The following BANP variants were observed in gnomAD, a reference collection of about 807,000 sequenced individuals.
BANP encodes BTG3 associated nuclear protein.
BANP carries 11 observed loss-of-function variants against 68.1 expected under a neutral mutation model. That is an observed-to-expected ratio of 0.16 (90% CI 0.10 to 0.27). BANP has a LOEUF of 0.27. Ranked by LOEUF, BANP falls within the 10% of genes least tolerant of loss-of-function variation. The pLI is 1.00. For missense variants in BANP, 504 were observed against 722.7 expected (o/e 0.70, Z 3.47); for synonymous variants, 329 against 303.2 (o/e 1.09, Z -0.88).
chr16:87,959,635 T>C (rs2058739233), intron 1 of BANP, among the ~76,000 whole-genome samples: 1 of 152,108 alleles, frequency 6.6e-6, no homozygotes, highest in African/African-American at 2.4e-5. Flanking sequence ...CCGTGTGGTT[T>C]TGGGAGGGAC....
At chr16:88,052,806 T>TA (rs1316418294) in intron 11 of BANP, among the ~76,000 whole-genome samples, 1 of 148,856 alleles carries the variant, frequency 6.7e-6, no homozygotes. Flanking sequence ...TAACAACCAC[T>TA]ACCACTACCG....
At chr16:88,009,852 T>TG (rs2072523015) in intron 6 of BANP, among the ~76,000 whole-genome samples, 1 of 147,578 alleles carries the variant, frequency 6.8e-6, no homozygotes, top group South Asian at 2.1e-4. Flanking sequence ...TCCTGACTGT[T>TG]GAAAGCAGTG....
chr16:88,057,179 G>A lies in BANP; in HGVS notation c.1312-8088G>A, dbSNP rs1020251013. ...TTCTGGTGGGCGGGCCTGCCGTGTT[G>A]TGGTGGGGAGCGACTTCACACAGCT... On this transcript the variant is annotated intron_variant, in intron 11 of 13. Coordinates refer to ENST00000682872, the MANE Select transcript of BANP (RefSeq NM_001386991.1). This position sits in a 1 kb window ranked among gnomAD's most constrained non-coding sequence, Gnocchi z 4.6. Among the ~76,000 whole-genome samples, 3 of 152,096 alleles carry A rather than the reference G, an allele frequency of 2.0e-5. No individual in the cohort carries two copies. The highest frequency in any genetic ancestry group is 4.4e-5 in the Non-Finnish European group (3 of 68,026).
At chr16:88,032,883 C>T (rs1369687089) in intron 8 of BANP, among the ~76,000 whole-genome samples, 1 of 152,224 alleles carries the variant, frequency 6.6e-6, no homozygotes, top group East Asian at 1.9e-4. Flanking sequence ...CAGCATCACG[C>T]CACTCTCAGG....
At chr16:88,052,288 G>A (rs1216670291) in intron 11 of BANP, among the ~76,000 whole-genome samples, 1 of 152,186 alleles carries the variant, frequency 6.6e-6, no homozygotes, top group Non-Finnish European at 1.5e-5. Context: ...ATTGTGGCAA[G>A]CTAGCGCTCT....
Position 88,072,129 on chromosome 16 carries a change from G to A in BANP, c.1438G>A (p.Asp480Asn). 6.2e-7 allele frequency: 1 copy of A among 1,609,740 alleles called. No homozygotes were observed. The highest frequency in any genetic ancestry group is 8.5e-7 in the Non-Finnish European group (1 of 1,179,006). ...ASSDPAAAGV[D>N]GSPLQGSDIQ... Reference sequence around the variant, plus strand: ...CTCGGACCCCGCGGCGGCGGGCGTGGATGGGTCGCCACTCCAGGGCAGCGA... The same window carrying A: ...CTCGGACCCCGCGGCGGCGGGCGTGAATGGGTCGCCACTCCAGGGCAGCGA... The change falls in exon 13 of 14, where the codon GAT becomes AAT. Residue 480 changes from aspartate (D) to asparagine (N), a missense_variant. Asp to Asn is a conservative substitution (Grantham distance 23). Around this residue, in one of 3 missense-constraint regions of BANP, gnomAD observed 223 missense variants for 246.2 expected, o/e 0.91. Coordinates refer to ENST00000682872, the MANE Select transcript of BANP (RefSeq NM_001386991.1).
chr16:87,950,991 T>C (rs4312309), upstream of BANP: 38,385 of 151,920 alleles, frequency 0.25, 5,345 homozygotes, highest in East Asian at 0.49. Flanking sequence ...CAGCAACCCT[T>C]GGTGCGGGGA....
chr16:88,073,872 T>C (rs1358928744), intron 13 of BANP, among the ~76,000 whole-genome samples: 10 of 152,368 alleles, frequency 6.6e-5, no homozygotes, highest in Admixed American at 5.2e-4. Context: ...AAGCTCTCTC[T>C]GTTACCATGC....
At chr16:88,009,090 AATGTCTCTT>A (rs1478808997) in intron 6 of BANP, among the ~76,000 whole-genome samples, 3 of 152,198 alleles carry the variant, frequency 2.0e-5, no homozygotes, top group Admixed American at 1.3e-4. Flanking sequence ...CCAATCCATT[AATGTCTCTT>A]ATGTCAGATT....
intron 1 of BANP, among the ~76,000 whole-genome samples, chr16:87,954,443 A>G (rs575604179): frequency 7.1e-4 from 108 of 152,086 alleles, no homozygotes; most frequent in Non-Finnish European, 1.9e-4. Flanking sequence ...ACTGATGTTT[A>G]CTGTTGTCTG....
chr16:87,985,338 G>A (rs8056213), intron 4 of BANP, among the ~76,000 whole-genome samples: 5,485 of 152,264 alleles, frequency 0.036, 309 homozygotes, highest in African/African-American at 0.12. Flanking sequence ...GGGAGCTGGG[G>A]ATCGTTCACG....
intron 11 of BANP, among the ~76,000 whole-genome samples, chr16:88,039,930 G>A (rs1289775119): frequency 3.3e-5 from 5 of 152,188 alleles, no homozygotes; most frequent in Non-Finnish European, 7.3e-5. Context: ...TGGCCTTACC[G>A]CAGAATGAAT....
rs1467162896 is a variant in BANP at position 87,984,218 on chromosome 16, C to T, written c.321C>T (p.Gly107=). Residue 107 remains glycine, a synonymous_variant, in exon 4 of 14, where the codon GGC becomes GGT. Transcript: ENST00000682872. ...HSPIQVPMVA[G]SPLGATQTCN... is the part of the protein sequence containing the mutation. ...CCATCCAGGTCCCCATGGTGGCCGG[C>T]TCCCCTCTCGGGGCAACCCAGACGT... 1.9e-6 allele frequency: 3 copies of T among 1,606,486 alleles called. No individual in the cohort carries two copies. The African/African-American group carries it at 4.0e-5, about 22-fold the overall frequency.
rs551516869 is a variant in BANP at position 87,999,448 on chromosome 16, G to T, written c.363-4847G>T. The stretch of plus-strand genomic sequence containing the variant: ...CAGACACGTCTCCATGCACGCACGT[G>T]CGCGGCTGGACTTACCTGTCCTTCC... On this transcript the variant is annotated intron_variant, in intron 4 of 13. Coordinates refer to ENST00000682872, the MANE Select transcript of BANP (RefSeq NM_001386991.1). Among the ~76,000 whole-genome samples the T allele has an allele frequency of 3.5e-3, 110 of 31,798 alleles. 7 individuals are homozygous for T. The highest frequency in any genetic ancestry group is 0.019 in the African/African-American group (105 of 5,504). 20.9% of individuals were successfully genotyped at this position (31,798 alleles called of 152,430 possible).
chr16:88,055,359 A>C (rs1464113506), intron 11 of BANP, among the ~76,000 whole-genome samples: 5 of 152,024 alleles, frequency 3.3e-5, no homozygotes, highest in Non-Finnish European at 7.4e-5. Flanking sequence ...AAAGTTAAGC[A>C]AAGCAGTGAC....
chr16:87,954,354 CTTT>C (rs535249787), intron 1 of BANP, among the ~76,000 whole-genome samples: 18 of 152,300 alleles, frequency 1.2e-4, no homozygotes, highest in Admixed American at 1.0e-3. Context: ...CCCAGCTCTC[CTTT>C]GTTCTGATTT....
At chr16:87,951,930 C>T (rs1460113100) in intron 1 of BANP, among the ~76,000 whole-genome samples, 4 of 152,186 alleles carry the variant, frequency 2.6e-5, no homozygotes, top group African/African-American at 9.6e-5. Flanking sequence ...GGGGTCGCTC[C>T]TGCCAGCCAG....
intron 6 of BANP, among the ~76,000 whole-genome samples, chr16:88,010,467 G>C (rs933240881): frequency 2.0e-5 from 3 of 152,220 alleles, no homozygotes; most frequent in African/African-American, 7.2e-5. Context: ...GGCTGGTGAG[G>C]CACAGCTGGG....
At chr16:87,994,640 CTT>C (rs999349417) in intron 4 of BANP, among the ~76,000 whole-genome samples, 7 of 152,214 alleles carry the variant, frequency 4.6e-5, no homozygotes, top group Admixed American at 2.6e-4. Flanking sequence ...GTTTTTATGA[CTT>C]TTTAATCTTT....
Sources: allele counts gnomAD v4.1 joint callset (sites outside exome capture counted in the v4.1 genomes callset), GRCh38; gene constraint gnomAD v4.1.1; regional missense constraint gnomAD v4.1.1; non-coding constraint Gnocchi (gnomAD v3.1); transcripts MANE v1.5; gene names NCBI Gene and HGNC (gene_info 2026-07-23, HGNC 2026-07-21).